SHC3: variants seen among roughly 807,000 people sequenced by gnomAD.
SHC3 encodes the protein SHC-transforming protein 3.
SHC3 carries 15 observed loss-of-function variants against 60.4 expected under a neutral mutation model. That is an observed-to-expected ratio of 0.25 (90% confidence interval 0.17 to 0.38). SHC3 has a LOEUF of 0.38. SHC3 is among the 10% of genes least tolerant of loss of function. SHC3 has a pLI of 1.00. For missense variants in SHC3, 677 were observed against 786.1 expected (o/e 0.86, Z 1.66); for synonymous variants, 294 against 325.9 (o/e 0.90, Z 1.05).
intron 2 of SHC3, among the ~76,000 whole-genome samples, chr9:89,087,545 C>T (rs950042769): frequency 9.9e-5 from 15 of 152,206 alleles, no homozygotes; most frequent in South Asian, 2.1e-4. Context: ...GGGGATCCCA[C>T]ATGCCTGCTT....
intron 7 of SHC3, among the ~76,000 whole-genome samples, chr9:89,048,983 C>A (rs1029905352): frequency 6.6e-6 from 1 of 152,138 alleles, no homozygotes; most frequent in African/African-American, 2.4e-5. Context: ...ATATGCCGGC[C>A]GGGCACGGTG....
chr9:89,108,830 A>C (rs1453561828), intron 2 of SHC3, among the ~76,000 whole-genome samples: 1 of 152,216 alleles, frequency 6.6e-6, no homozygotes, highest in African/African-American at 2.4e-5. Context: ...CTTCATTAGC[A>C]TAGAACAGCT....
intron 2 of SHC3, among the ~76,000 whole-genome samples, chr9:89,082,778 C>T (rs1201869502): frequency 6.6e-6 from 1 of 152,172 alleles, no homozygotes; most frequent in Non-Finnish European, 1.5e-5. Context: ...TTTTAACCTG[C>T]GGTTGCCTCC....
intron 11 of SHC3, among the ~76,000 whole-genome samples, chr9:89,033,872 T>C (rs1824530288): frequency 6.6e-6 from 1 of 152,190 alleles, no homozygotes. Context: ...CTTTGATGTG[T>C]AGGAAGCCTA....
intron 1 of SHC3, among the ~76,000 whole-genome samples, chr9:89,154,112 C>T (rs1826587163): frequency 6.6e-6 from 1 of 152,000 alleles, no homozygotes; most frequent in African/African-American, 2.4e-5. Flanking sequence ...CCCAGGATGG[C>T]TTGGAATAGT....
intron 1 of SHC3, among the ~76,000 whole-genome samples, chr9:89,145,881 T>C (rs1329908764): frequency 2.6e-5 from 4 of 152,184 alleles, no homozygotes; most frequent in African/African-American, 7.2e-5. Context: ...AACTGTTAAG[T>C]TTTATATGTA....
At chr9:89,169,167 C>T (rs1826833587) in intron 1 of SHC3, among the ~76,000 whole-genome samples, 1 of 152,192 alleles carries the variant, frequency 6.6e-6, no homozygotes. Context: ...CTTGGGAGAA[C>T]ACCCATTTCC....
chr9:89,142,560 G>A (rs1015267215), intron 1 of SHC3, among the ~76,000 whole-genome samples: 1 of 151,492 alleles, frequency 6.6e-6, no homozygotes, highest in Non-Finnish European at 1.5e-5. Flanking sequence ...GTGGGTGCCT[G>A]TAATCCCAGC....
chr9:89,082,659 A>G (rs1343875714), intron 2 of SHC3, among the ~76,000 whole-genome samples: 1 of 152,150 alleles, frequency 6.6e-6, no homozygotes. Context: ...GCAGCAAAAT[A>G]GATTCTCACC....
chr9:89,139,639 A>C (rs931299070), intron 1 of SHC3, among the ~76,000 whole-genome samples: 1 of 152,224 alleles, frequency 6.6e-6, no homozygotes, highest in Non-Finnish European at 1.5e-5. Flanking sequence ...CTTATCACAC[A>C]GGTCAGGAAT....
At chr9:89,060,655 G>T (rs1587704106) in intron 6 of SHC3, among the ~76,000 whole-genome samples, 1 of 152,026 alleles carries the variant, frequency 6.6e-6, no homozygotes, top group Non-Finnish European at 1.5e-5. Context: ...AGGTCCTGTG[G>T]GTGTTGGGGG....
intron 2 of SHC3, among the ~76,000 whole-genome samples, chr9:89,080,354 C>T (rs1825424206): frequency 6.6e-6 from 1 of 152,114 alleles, no homozygotes; most frequent in Admixed American, 6.5e-5. Context: ...CATTTGGCAA[C>T]CTCTGTGGTC....
At chr9:89,047,608 G>T (rs1247401222) in intron 7 of SHC3, among the ~76,000 whole-genome samples, 2 of 152,112 alleles carry the variant, frequency 1.3e-5, no homozygotes, top group Admixed American at 6.5e-5. Flanking sequence ...TTTCTCCAGA[G>T]ATACACAAAA....
intron 2 of SHC3, 22 bp from the exon 3 acceptor site, chr9:89,077,925 A>G (rs1202473943): frequency 3.1e-6 from 5 of 1,613,980 alleles, no homozygotes; most frequent in Admixed American, 3.3e-5. Flanking sequence ...AAGAAAAAGC[A>G]ATTTTATTAC....
chr9:89,123,239 A>G (rs1437106299), intron 1 of SHC3, among the ~76,000 whole-genome samples: 1 of 152,250 alleles, frequency 6.6e-6, no homozygotes, highest in African/African-American at 2.4e-5. Flanking sequence ...GTGTTTACTA[A>G]TTACTTGCAC....
intron 2 of SHC3, among the ~76,000 whole-genome samples, chr9:89,087,353 T>C (rs930132704): frequency 1.3e-5 from 2 of 152,192 alleles, no homozygotes; most frequent in East Asian, 1.9e-4. Flanking sequence ...GAGAAACTAA[T>C]GTGGAAATAC....
chr9:89,117,764 C>G (rs1324898983), intron 1 of SHC3, among the ~76,000 whole-genome samples: 1 of 151,900 alleles, frequency 6.6e-6, no homozygotes, highest in Non-Finnish European at 1.5e-5. Flanking sequence ...ATTATTTATG[C>G]ATTCATTTAT....
chr9:89,163,596 G>C (rs983965736), intron 1 of SHC3, among the ~76,000 whole-genome samples: 2 of 115,190 alleles, frequency 1.7e-5, no homozygotes, highest in African/African-American at 6.7e-5. Flanking sequence ...GACTGTTGTG[G>C]GGTGGGGGGA....
At chr9:89,171,765 C>A (rs919312603) in intron 1 of SHC3, among the ~76,000 whole-genome samples, 9 of 152,230 alleles carry the variant, frequency 5.9e-5, no homozygotes. Context: ...CCCTTTTCTG[C>A]AGCTTCTTCC....
Sources: allele counts gnomAD v4.1 joint callset (sites outside exome capture counted in the v4.1 genomes callset), GRCh38; gene constraint gnomAD v4.1.1; transcripts MANE v1.5; gene names NCBI Gene and HGNC (gene_info 2026-07-23, HGNC 2026-07-21).